Variants in DTNA observed in about 807,000 individuals in gnomAD.
DTNA encodes dystrobrevin alpha.
In DTNA, 43 loss-of-function variants were observed where a neutral mutation model predicts 100.7. The observed-to-expected ratio is 0.43, with a 90% CI of 0.33 to 0.55. DTNA has a LOEUF of 0.55. Ranked by LOEUF, DTNA falls within the 20% of genes least tolerant of loss-of-function variation. The probability of loss-of-function intolerance (pLI) is 0.04; values close to 1 mark genes in which losing one functional copy is unlikely to be tolerated. For missense variants in DTNA, 798 were observed against 953.9 expected (o/e 0.84, Z 2.15); for synonymous variants, 349 against 347.9 (o/e 1.00, Z -0.04).
chr18:34,769,105 A>C (rs2093633774), intron 3 of DTNA, among the ~76,000 whole-genome samples: 1 of 152,214 alleles, frequency 6.6e-6, no homozygotes, highest in Non-Finnish European at 1.5e-5. Flanking sequence ...AGGAAAAAAA[A>C]CAAGCATATT....
chr18:34,867,309 G>A (rs541454188), intron 17 of DTNA: 1 of 1,230,962 alleles, frequency 8.1e-7, no homozygotes, highest in East Asian at 3.2e-5. Context: ...AATCTGTAAT[G>A]TCAGACAATA....
At chr18:34,707,896 C>T (rs2082314211), upstream of DTNA, among the ~76,000 whole-genome samples, 2 of 152,082 alleles carry the variant, frequency 1.3e-5, no homozygotes, top group African/African-American at 2.4e-5. Flanking sequence ...CATGAGTCAC[C>T]GCGCTGAAGG....
At chr18:34,810,003 A>G (rs578253093) in intron 5 of DTNA, among the ~76,000 whole-genome samples, 10 of 152,202 alleles carry the variant, frequency 6.6e-5, no homozygotes, top group African/African-American at 1.9e-4. Context: ...ATTTTGTCAG[A>G]TTGTTCTTGG....
intron 1 of DTNA, among the ~76,000 whole-genome samples, chr18:34,750,756 A>G (rs756987347): frequency 5.9e-5 from 9 of 152,332 alleles, no homozygotes; most frequent in Non-Finnish European, 1.2e-4. Context: ...AATGTAAGGC[A>G]CCATTAGTTT....
chr18:34,697,719 G>A (rs531299603), intron 1 of DTNA, among the ~76,000 whole-genome samples: 1 of 152,214 alleles, frequency 6.6e-6, no homozygotes, highest in South Asian at 2.1e-4. Context: ...TGCAGGAGGA[G>A]GTGACAACTT....
At chr18:34,588,380 G>T (rs2049350335) in intron 1 of DTNA, among the ~76,000 whole-genome samples, 2 of 152,000 alleles carry the variant, frequency 1.3e-5, no homozygotes, top group South Asian at 4.1e-4. Context: ...CTTACAGTCT[G>T]CCCCCAACCC....
intron 1 of DTNA, among the ~76,000 whole-genome samples, chr18:34,564,141 C>T (rs970977882): frequency 3.3e-5 from 5 of 151,866 alleles, no homozygotes; most frequent in South Asian, 4.1e-4. Flanking sequence ...CCAACATGTC[C>T]GTACTTCCTT....
intron 1 of DTNA, among the ~76,000 whole-genome samples, chr18:34,568,657 T>C (rs2047299973): frequency 6.6e-6 from 1 of 151,812 alleles, no homozygotes; most frequent in African/African-American, 2.4e-5. Context: ...AGAGTTTCTC[T>C]CTGTCACCCA....
chr18:34,638,063 C>T (rs542741175), intron 1 of DTNA, among the ~76,000 whole-genome samples: 30 of 152,198 alleles, frequency 2.0e-4, no homozygotes, highest in Non-Finnish European at 3.7e-4. Context: ...TTGATTACTA[C>T]GTAGCCTCCT....
At chr18:34,568,029 G>GA (rs563410608) in intron 1 of DTNA, among the ~76,000 whole-genome samples, 2,495 of 151,580 alleles carry the variant, frequency 0.016, 66 homozygotes, top group African/African-American at 0.058. Context: ...TGAAATTTTA[G>GA]AAAAAAAATG....
intron 1 of DTNA, among the ~76,000 whole-genome samples, chr18:34,703,713 T>C (rs953235093): frequency 6.6e-6 from 1 of 152,186 alleles, no homozygotes; most frequent in African/African-American, 2.4e-5. Flanking sequence ...CCTGTTATCT[T>C]TATATTTTGG....
chr18:34,832,850 A>C (rs2096049020), intron 11 of DTNA, among the ~76,000 whole-genome samples: 1 of 152,324 alleles, frequency 6.6e-6, no homozygotes, highest in South Asian at 2.1e-4. Context: ...TATTTAAGTT[A>C]GTGTGATGGC....
At chr18:34,703,159 A>G (rs1028625525) in intron 1 of DTNA, among the ~76,000 whole-genome samples, 9 of 152,208 alleles carry the variant, frequency 5.9e-5, no homozygotes, top group Non-Finnish European at 1.2e-4. Flanking sequence ...TATGCTCTGT[A>G]TGTATGTATA....
chr18:34,553,697 C>A lies in DTNA; in HGVS notation c.-2+60183C>A, dbSNP rs1002167847. The stretch of plus-strand genomic sequence containing the variant: ...CAAAGATCAGATAGTTGTAGATATG[C>A]GGCGTTATTTCTGAGGGCTCTGTTC... On this transcript the variant is annotated intron_variant, in intron 1 of 19. Transcript: ENST00000283365. Among the ~76,000 whole-genome samples the A allele has an allele frequency of 4.4e-3, 655 of 150,166 alleles. 7 individuals are homozygous for A. The highest frequency in any genetic ancestry group is 0.015 in the African/African-American group (624 of 41,232).
intron 8 of DTNA, among the ~76,000 whole-genome samples, chr18:34,819,821 T>C (rs528400596): frequency 6.6e-6 from 1 of 152,074 alleles, no homozygotes; most frequent in African/African-American, 2.4e-5. Context: ...CTCTTATTAC[T>C]TAGCTTTTAA....
intron 1 of DTNA, among the ~76,000 whole-genome samples, chr18:34,537,142 T>C (rs2043796925): frequency 1.3e-5 from 2 of 152,046 alleles, no homozygotes; most frequent in Non-Finnish European, 2.9e-5. Flanking sequence ...GGCAAAACTG[T>C]GTCCTTTTTA....
At chr18:34,797,152 C>G (rs1022928788) in intron 4 of DTNA, among the ~76,000 whole-genome samples, 1 of 152,198 alleles carries the variant, frequency 6.6e-6, no homozygotes, top group African/African-American at 2.4e-5. Flanking sequence ...CCTGAAGACA[C>G]AGTTCCTTGA....
At chr18:34,640,664 T>G (rs942989782) in intron 1 of DTNA, among the ~76,000 whole-genome samples, 4 of 152,242 alleles carry the variant, frequency 2.6e-5, no homozygotes, top group Non-Finnish European at 5.9e-5. Context: ...GGTGCTATGC[T>G]TTAACCAACT....
At chr18:34,838,981 C>G (rs2096212974) in intron 13 of DTNA, 144 bp downstream of exon 13, 2 of 727,470 alleles carry the variant, frequency 2.7e-6, no homozygotes, top group Admixed American at 4.0e-5. Flanking sequence ...AGAAGTCTCT[C>G]GTGATGTTAG....
Sources: gnomAD v4.1 joint callset for allele counts (sites outside exome capture counted in the v4.1 genomes callset) on GRCh38, gnomAD v4.1.1 for gene constraint, MANE v1.5 for transcripts, NCBI Gene and HGNC (gene_info 2026-07-23, HGNC 2026-07-21) for gene names.